Variants in MAT2B observed in about 807,000 individuals in gnomAD.
MAT2B encodes the protein methionine adenosyltransferase 2 subunit beta.
MAT2B carries 16 observed loss-of-function variants against 36.1 expected under a neutral mutation model. The observed-to-expected ratio is 0.44, with a 90% CI of 0.30 to 0.67. The LOEUF is 0.67. Among genes scored for constraint, MAT2B ranks in the 30% least tolerant of loss-of-function variants. The pLI is 0.09. For synonymous variants in MAT2B, 148 were observed against 136.9 expected, an observed-to-expected ratio of 1.08 and a Z score of -0.57; for missense variants, 332 against 398.2, an observed-to-expected ratio of 0.83 and a Z score of 1.42.
At chr5:163,513,787 C>A in intron 3 of MAT2B, 55 bp from the exon 4 acceptor site, 1 of 1,551,680 alleles carries the variant, frequency 6.4e-7, no homozygotes, top group Non-Finnish European at 8.8e-7. Context: ...TTCTAAATTC[C>A]ATGAAAGAGT....
At chr5:163,505,484 C>T, upstream of MAT2B, 2 of 1,226,302 alleles carry the variant, frequency 1.6e-6, no homozygotes, top group Non-Finnish European at 2.0e-6. Context: ...GGGGGCAGAC[C>T]GCGCGTACCC....
At chr5:163,508,482 T>G (rs1411770905) in intron 1 of MAT2B, among the ~76,000 whole-genome samples, 1 of 152,136 alleles carries the variant, frequency 6.6e-6, no homozygotes, top group Non-Finnish European at 1.5e-5. Flanking sequence ...AAGTGGTTGG[T>G]CCACCTTGGC....
intron 5 of MAT2B, chr5:163,517,149 A>G (rs186741288): frequency 1.1e-4 from 25 of 217,398 alleles, no homozygotes; most frequent in East Asian, 4.1e-4. Flanking sequence ...ATATATGAGA[A>G]TTATATTTTG....
Position 163,513,539 on chromosome 5 carries a change from A to C in MAT2B, c.259-16A>C. ...TTTTATTTTGAGTTAAAAATACGTCAATGCTTAACTTCTAGCCCCATGTTA... is the reference window on the plus strand; with the variant it reads ...TTTTATTTTGAGTTAAAAATACGTCCATGCTTAACTTCTAGCCCCATGTTA... On this transcript the variant is annotated splice_polypyrimidine_tract_variant and intron_variant, in intron 2 of 6. Coordinates refer to ENST00000321757, the MANE Select transcript of MAT2B (RefSeq NM_013283.5). The C allele has an allele frequency of 2.1e-6, 3 of 1,427,440 alleles. No homozygotes were observed. Among genetic ancestry groups the C allele is most frequent in the Non-Finnish European group, 2.0e-6 (2 of 1,020,620 alleles). The allele number at this position is 1,427,440 out of a possible 1,614,324, so 88.4% of individuals were successfully genotyped here. A position where few individuals can be genotyped will look rare whatever the true frequency, so the allele number is the denominator to read the frequency against.
chr5:163,513,945 T>C lies in MAT2B; in HGVS notation c.477T>C (p.Tyr159=), dbSNP rs1181375982. ...ACATACCAGCTCCCCTAAATTTGTA[T>C]GGCAAAACAAAATTAGATGGAGAAA... ...EEDIPAPLNL[Y]GKTKLDGEKA... Residue 159 remains tyrosine (Y), a synonymous_variant, in exon 4 of 7, where the codon TAT becomes TAC. Coordinates refer to ENST00000321757, the MANE Select transcript of MAT2B (RefSeq NM_013283.5). The C allele has an allele frequency of 1.2e-6, 2 of 1,613,634 alleles. No homozygotes were observed. The highest frequency in any genetic ancestry group is 8.5e-7 in the Non-Finnish European group (1 of 1,179,760).
chr5:163,512,442 G>A, intron 2 of MAT2B: 2 of 524,406 alleles, frequency 3.8e-6, no homozygotes, highest in South Asian at 2.1e-5. Flanking sequence ...TGCCTTCTAA[G>A]TAATACTTTC....
At position 163,507,643 on chromosome 5, in the gene MAT2B, T is replaced by C. The variant is rs182483694; in HGVS notation, c.63+1894T>C. ...TTCATTCTGACTTTCTTAAAGTGTT[T>C]AGACATTTCTTCCTTGTGCACAACT... On this transcript the variant is annotated intron_variant, in intron 1 of 6. Transcript: ENST00000321757. Among the ~76,000 whole-genome samples the C allele has an allele frequency of 1.4e-3, 207 of 152,358 alleles. 1 individual carries two copies. The highest frequency in any genetic ancestry group is 1.6e-3 in the Non-Finnish European group (109 of 68,026).
At chr5:163,506,010 G>C (rs571763251) in intron 1 of MAT2B, among the ~76,000 whole-genome samples, 8 of 152,298 alleles carry the variant, frequency 5.3e-5, no homozygotes, top group Admixed American at 4.6e-4. Context: ...TTCGAGTTCT[G>C]TCTCTGCTCC....
upstream of MAT2B, among the ~76,000 whole-genome samples, chr5:163,504,611 G>T (rs1401036765): frequency 1.3e-5 from 2 of 152,228 alleles, no homozygotes; most frequent in Non-Finnish European, 2.9e-5. Context: ...GGGCACACAA[G>T]AACCCTTGGA....
rs376171593 is a variant in MAT2B, at chr5:163,518,363, GTTTA to G, written c.*4_*7del. 2.6e-4 allele frequency: 414 copies of G among 1,589,810 alleles called. 3 individuals are homozygous for G. In the African/African-American group the frequency reaches 4.4e-3, roughly 17 times the overall value. Reference sequence around the variant, plus strand: ...GATGGAGACAAACGGTCTTTCATTAGTTTATTTGTGTTGGGTTCTTTTTTTTTTT... The same window carrying G: ...GATGGAGACAAACGGTCTTTCATTAGTTTGTGTTGGGTTCTTTTTTTTTTT... On this transcript the variant is annotated 3_prime_UTR_variant, in exon 7 of 7. Coordinates refer to ENST00000321757, the MANE Select transcript of MAT2B (RefSeq NM_013283.5).
At chr5:163,512,339 C>A in intron 2 of MAT2B, 143 bp downstream of exon 2, 2 of 708,220 alleles carry the variant, frequency 2.8e-6, no homozygotes, top group South Asian at 1.7e-5. Flanking sequence ...TTTCATTTAG[C>A]ATGACATGGT....
chr5:163,511,736 T>C (rs1321296917), intron 1 of MAT2B, among the ~76,000 whole-genome samples: 1 of 152,168 alleles, frequency 6.6e-6, no homozygotes, highest in Admixed American at 6.5e-5. Flanking sequence ...TTTTTTTGTA[T>C]TGAGATGGGT....
At chr5:163,514,088 A>G in intron 4 of MAT2B, 94 bp downstream of exon 4, 1 of 989,910 alleles carries the variant, frequency 1.0e-6, no homozygotes. Context: ...TAAAAAGTCA[A>G]TGAATATGAA....
chr5:163,509,447 C>G (rs748415938), intron 1 of MAT2B, among the ~76,000 whole-genome samples: 3 of 152,146 alleles, frequency 2.0e-5, no homozygotes, highest in Non-Finnish European at 2.9e-5. Context: ...CTCCAAATCA[C>G]GATGATCAGC....
intron 4 of MAT2B, among the ~76,000 whole-genome samples, chr5:163,515,770 C>CTTTTTTTTTTTTTTT (rs66978639): frequency 4.3e-5 from 3 of 69,810 alleles, no homozygotes; most frequent in Non-Finnish European, 4.9e-5. Flanking sequence ...TTGCCTTTTT[C>CTTTTTTTTTTTTTTT]TTTTTTTTTT....
chr5:163,515,907 T>C (rs957133094), intron 4 of MAT2B, among the ~76,000 whole-genome samples: 1 of 151,740 alleles, frequency 6.6e-6, no homozygotes, highest in Non-Finnish European at 1.5e-5. Flanking sequence ...GCTAATTTTT[T>C]TACATTTTGT....
At chr5:163,511,974 A>T in intron 1 of MAT2B, 28 bp from the exon 2 acceptor site, 4 of 1,554,668 alleles carry the variant, frequency 2.6e-6, no homozygotes, top group Non-Finnish European at 3.5e-6. Context: ...AAAGTTAGTA[A>T]CTCTTTCTAT....
Position 163,512,061 on chromosome 5 carries a change from C to T in MAT2B, c.123C>T (p.Gly41=), listed in dbSNP as rs762962509. The T allele has an allele frequency of 6.2e-7, 1 of 1,614,142 alleles. No individual in the cohort carries two copies. Among genetic ancestry groups the T allele is most frequent in the South Asian group, 1.1e-5 (1 of 91,086 alleles). Residue 41 remains glycine, a synonymous_variant, in exon 2 of 7, where the codon GGC becomes GGT. Coordinates refer to ENST00000321757, the MANE Select transcript of MAT2B (RefSeq NM_013283.5). The part of the protein sequence containing the change: ...VLVTGATGLL[G]RAVHKEFQQN... ...TTACTGGTGCCACTGGGCTTCTTGG[C>T]AGAGCTGTACACAAAGAATTTCAGC...
rs1027072939 is a variant in MAT2B, at chr5:163,509,683, G to A, written c.64-2319G>A. ...GAGTATTTTTTCAGGAATCTTTACC[G>A]TATTTATCCTGTGTAAATTGTTTTC... On this transcript the variant is annotated intron_variant, in intron 1 of 6. Coordinates refer to ENST00000321757, the MANE Select transcript of MAT2B (RefSeq NM_013283.5). Among the ~76,000 whole-genome samples the A allele has an allele frequency of 4.6e-5, 7 of 152,118 alleles. No homozygotes were observed. In the East Asian group the frequency reaches 5.8e-4, roughly 13 times the overall value.
Sources: allele counts gnomAD v4.1 joint callset (sites outside exome capture counted in the v4.1 genomes callset), GRCh38; gene constraint gnomAD v4.1.1; transcripts MANE v1.5; gene names NCBI Gene and HGNC (gene_info 2026-07-23, HGNC 2026-07-21).